Variants in ST6GAL1 observed in about 807,000 individuals in gnomAD.
ST6GAL1 encodes the protein ST6 beta-galactoside alpha-2,6-sialyltransferase 1.
Under a neutral mutation model 38.0 loss-of-function variants are expected in ST6GAL1, and 20 were observed. That is an observed-to-expected ratio of 0.53 (90% CI 0.37 to 0.77). The LOEUF is 0.77. Among genes scored for constraint, ST6GAL1 ranks in the 30% least tolerant of loss-of-function variants. The probability of loss-of-function intolerance (pLI) is 0.00; values close to 1 mark genes in which losing one functional copy is unlikely to be tolerated. For synonymous variants in ST6GAL1, 196 were observed against 188.2 expected, an observed-to-expected ratio of 1.04 and a Z score of -0.34; for missense variants, 432 against 496.4, an observed-to-expected ratio of 0.87 and a Z score of 1.23.
intron 5 of ST6GAL1, among the ~76,000 whole-genome samples, chr3:187,066,588 ATGTGCGTGCGTGCG>A (rs1719141174): frequency 7.6e-6 from 1 of 131,304 alleles, no homozygotes; most frequent in African/African-American, 2.8e-5. Context: ...ATATCTGAAG[ATGTGCGTGCGTGCG>A]TGTGTGTGTG....
intron 5 of ST6GAL1, among the ~76,000 whole-genome samples, chr3:187,068,771 G>A (rs1020502390): frequency 5.3e-5 from 8 of 152,216 alleles, no homozygotes; most frequent in Non-Finnish European, 1.0e-4. Context: ...TTCCTCATGA[G>A]TATGTATATA....
At chr3:187,025,825 A>G (rs1380688178) in intron 2 of ST6GAL1, among the ~76,000 whole-genome samples, 1 of 152,136 alleles carries the variant, frequency 6.6e-6, no homozygotes, top group Admixed American at 6.5e-5. Context: ...GTGGGGACAC[A>G]ACACCCCCCA....
At chr3:186,941,771 G>A (rs913547741) in intron 1 of ST6GAL1, among the ~76,000 whole-genome samples, 2 of 152,126 alleles carry the variant, frequency 1.3e-5, no homozygotes, top group Non-Finnish European at 2.9e-5. Flanking sequence ...CCAGCACTTT[G>A]GGAGGCCGAG....
intron 2 of ST6GAL1, among the ~76,000 whole-genome samples, chr3:186,966,351 G>A (rs1250812678): frequency 1.3e-5 from 2 of 152,202 alleles, no homozygotes; most frequent in Admixed American, 6.5e-5. Flanking sequence ...AGCTAACAAG[G>A]TATCTATCCC....
chr3:187,070,319 C>G (rs141190317), intron 5 of ST6GAL1, among the ~76,000 whole-genome samples: 290 of 152,018 alleles, frequency 1.9e-3, no homozygotes, highest in African/African-American at 6.4e-3. Flanking sequence ...GCCACACACT[C>G]ACACATTCAG....
rs1717839481 is a variant in ST6GAL1, at chr3:187,033,924, C to T, written c.-182-4818C>T. 2.0e-5 allele frequency among the ~76,000 whole-genome samples: 3 copies of T among 152,012 alleles called. No homozygotes were observed. The South Asian group carries it at 6.2e-4, about 32-fold the overall frequency. ...AACTAAAATCCAGAGCAAAACTGAA[C>T]AAAATTGAGACTCAAAAATCCATAC... On this transcript the variant is annotated intron_variant, in intron 2 of 7. Transcript: ENST00000169298.
chr3:187,041,689 A>G (rs1221475108), intron 3 of ST6GAL1, among the ~76,000 whole-genome samples: 2 of 152,174 alleles, frequency 1.3e-5, no homozygotes, highest in Non-Finnish European at 2.9e-5. Context: ...CAGCTCTGTG[A>G]GCTTGGGCAC....
chr3:186,966,366 C>T (rs1715116546), intron 2 of ST6GAL1, among the ~76,000 whole-genome samples: 1 of 152,208 alleles, frequency 6.6e-6, no homozygotes, highest in Admixed American at 6.5e-5. Context: ...TATCCCATGT[C>T]ACGGATGTGG....
At chr3:186,937,947 G>T (rs989361677) in intron 1 of ST6GAL1, among the ~76,000 whole-genome samples, 1 of 152,150 alleles carries the variant, frequency 6.6e-6, no homozygotes, top group East Asian at 1.9e-4. Context: ...GGTGGCGGGT[G>T]CCTATAATCC....
intron 2 of ST6GAL1, among the ~76,000 whole-genome samples, chr3:187,017,557 A>T (rs893077866): frequency 1.3e-5 from 2 of 152,018 alleles, no homozygotes; most frequent in Admixed American, 6.5e-5. Flanking sequence ...TTTCTCCTCC[A>T]TGTTCCCTTC....
chr3:186,965,495 G>T (rs1334712380), intron 2 of ST6GAL1, among the ~76,000 whole-genome samples: 2 of 152,158 alleles, frequency 1.3e-5, no homozygotes, highest in African/African-American at 2.4e-5. Context: ...TGGGACATCC[G>T]TTAAGCACCA....
chr3:187,016,817 C>T (rs112052843), intron 2 of ST6GAL1, among the ~76,000 whole-genome samples: 1 of 152,292 alleles, frequency 6.6e-6, no homozygotes, highest in Admixed American at 6.5e-5. Flanking sequence ...CCCCTTTGCC[C>T]AAGAGATTGA....
chr3:186,997,111 A>C (rs557249618), intron 2 of ST6GAL1, among the ~76,000 whole-genome samples: 1 of 152,184 alleles, frequency 6.6e-6, no homozygotes, highest in African/African-American at 2.4e-5. Context: ...AAAATAGTTA[A>C]GTAATAATAT....
intron 2 of ST6GAL1, among the ~76,000 whole-genome samples, chr3:186,987,710 A>G (rs1266874460): frequency 6.6e-6 from 1 of 152,222 alleles, no homozygotes; most frequent in Non-Finnish European, 1.5e-5. Context: ...TTCAAAAGGA[A>G]TAATTATAAA....
At chr3:186,939,498 C>T (rs1201600285) in intron 1 of ST6GAL1, among the ~76,000 whole-genome samples, 6 of 152,138 alleles carry the variant, frequency 3.9e-5, no homozygotes, top group Non-Finnish European at 7.3e-5. Context: ...AGGGCCCCAC[C>T]CCTTAATGGA....
chr3:187,064,233 A>C lies in ST6GAL1; in HGVS notation c.706-8616A>C, dbSNP rs559628368. Among the ~76,000 whole-genome samples the C allele has an allele frequency of 2.0e-5, 3 of 152,348 alleles. No individual in the cohort carries two copies. In the East Asian group the frequency reaches 5.8e-4, roughly 29 times the overall value. ...GATTTTATTTTACTCGTATGATGGAACCAGGCAGATATTACAACTGGTTCA... is the reference window on the plus strand; with the variant it reads ...GATTTTATTTTACTCGTATGATGGACCCAGGCAGATATTACAACTGGTTCA... On this transcript the variant is annotated intron_variant, in intron 5 of 7. Transcript: ENST00000169298.
At position 186,945,758 on chromosome 3, in the gene ST6GAL1, G is replaced by A. The variant is rs550972273; in HGVS notation, c.-325+14924G>A. ...TCTCAGCACTTTGGGAGGCCAAGGC[G>A]GGTGGATCACGAGATCAGGAGATCG... On this transcript the variant is annotated intron_variant, in intron 1 of 7. Transcript: ENST00000169298. Among the ~76,000 whole-genome samples the A allele has an allele frequency of 2.5e-3, 379 of 151,640 alleles. 4 individuals are homozygous for A. The highest frequency in any genetic ancestry group is 8.8e-3 in the African/African-American group (363 of 41,242).
At chr3:186,933,244 T>C (rs774784612) in intron 1 of ST6GAL1, among the ~76,000 whole-genome samples, 1 of 152,232 alleles carries the variant, frequency 6.6e-6, no homozygotes, top group African/African-American at 2.4e-5. Flanking sequence ...CCGGTCAGCA[T>C]GCACTCCCTA....
intron 1 of ST6GAL1, among the ~76,000 whole-genome samples, chr3:186,959,321 T>C (rs1714856088): frequency 6.6e-6 from 1 of 152,138 alleles, no homozygotes; most frequent in African/African-American, 2.4e-5. Flanking sequence ...GAAAAGCCCC[T>C]GGGAGGCAGC....
Sources: gnomAD v4.1 joint callset for allele counts (sites outside exome capture counted in the v4.1 genomes callset) on GRCh38, gnomAD v4.1.1 for gene constraint, MANE v1.5 for transcripts, NCBI Gene and HGNC (gene_info 2026-07-23, HGNC 2026-07-21) for gene names.